Variants in IMMP2L observed in about 807,000 individuals in gnomAD.
IMMP2L encodes the protein mitochondrial inner membrane protease subunit 2.
Under a neutral mutation model 19.3 loss-of-function variants are expected in IMMP2L, and 18 were observed. The ratio of observed to expected loss-of-function variants is 0.93; its 90% CI spans 0.64 to 1.38. The LOEUF is 1.38. Among genes scored for constraint, IMMP2L ranks in the 40% most tolerant of loss-of-function variants. The probability of loss-of-function intolerance (pLI) is 0.00; values close to 1 mark genes in which losing one functional copy is unlikely to be tolerated. For synonymous variants in IMMP2L, 76 were observed against 73.0 expected (o/e 1.04, Z -0.21); for missense variants, 233 against 218.2 (o/e 1.07, Z -0.43).
At chr7:110,694,479 T>C (rs1407166013) in intron 5 of IMMP2L, among the ~76,000 whole-genome samples, 6 of 152,034 alleles carry the variant, frequency 3.9e-5, no homozygotes, top group Admixed American at 1.3e-4. Flanking sequence ...AAAGAAAAAG[T>C]AATATTTAGG....
At chr7:110,731,687 C>T (rs568123022) in intron 5 of IMMP2L, among the ~76,000 whole-genome samples, 38 of 152,162 alleles carry the variant, frequency 2.5e-4, no homozygotes, top group African/African-American at 8.4e-4. Flanking sequence ...AAATATAATA[C>T]CTTGCAATAA....
At chr7:111,416,047 A>C (rs1834929029) in intron 3 of IMMP2L, among the ~76,000 whole-genome samples, 1 of 151,796 alleles carries the variant, frequency 6.6e-6, no homozygotes, top group Non-Finnish European at 1.5e-5. Context: ...TTAAAAAGTT[A>C]ATCTGAGCAT....
At chr7:111,360,907 C>T (rs1829199810) in intron 3 of IMMP2L, among the ~76,000 whole-genome samples, 1 of 151,952 alleles carries the variant, frequency 6.6e-6, no homozygotes. Context: ...TTTCATAAAA[C>T]TGTCGTATTT....
chr7:110,816,030 C>T (rs555154480), intron 5 of IMMP2L, among the ~76,000 whole-genome samples: 61 of 152,152 alleles, frequency 4.0e-4, no homozygotes, highest in South Asian at 1.0e-3. Context: ...TTTGCTCTTG[C>T]TTTTCCAGTT....
chr7:111,554,621 T>TATC (rs1370238146), intron 1 of IMMP2L, among the ~76,000 whole-genome samples: 1 of 151,756 alleles, frequency 6.6e-6, no homozygotes, highest in Non-Finnish European at 1.5e-5. Flanking sequence ...TTTATTTTAT[T>TATC]ATTATTATTA....
intron 3 of IMMP2L, among the ~76,000 whole-genome samples, chr7:111,471,902 T>A (rs1162108299): frequency 6.6e-6 from 1 of 152,064 alleles, no homozygotes; most frequent in East Asian, 1.9e-4. Context: ...TCCTAACTAA[T>A]TAAGTGGCTT....
intron 3 of IMMP2L, among the ~76,000 whole-genome samples, chr7:111,093,152 C>T (rs1261519735): frequency 6.6e-6 from 1 of 152,134 alleles, no homozygotes; most frequent in Non-Finnish European, 1.5e-5. Context: ...CCAGTGGCTT[C>T]GATTTTCTCT....
intron 3 of IMMP2L, among the ~76,000 whole-genome samples, chr7:111,142,982 G>A (rs533578578): frequency 9.2e-5 from 14 of 152,206 alleles, no homozygotes; most frequent in African/African-American, 3.4e-4. Flanking sequence ...AAGTTTAAGA[G>A]ACTATATATT....
chr7:111,091,111 G>C (rs1387384769), intron 3 of IMMP2L: 1 of 152,148 alleles, frequency 6.6e-6, no homozygotes, highest in Non-Finnish European at 1.5e-5. Flanking sequence ...AATGACCGCT[G>C]AGCAGGCAGC....
At chr7:110,952,088 A>C (rs536590304) in intron 4 of IMMP2L, among the ~76,000 whole-genome samples, 2 of 152,284 alleles carry the variant, frequency 1.3e-5, no homozygotes, top group Non-Finnish European at 2.9e-5. Context: ...TTACTGAGAT[A>C]ATTATACTTA....
At chr7:111,181,692 T>A (rs759871138) in intron 3 of IMMP2L, among the ~76,000 whole-genome samples, 1 of 152,050 alleles carries the variant, frequency 6.6e-6, no homozygotes, top group African/African-American at 2.4e-5. Context: ...TATATAAACC[T>A]AAACAAATGA....
At chr7:111,520,836 C>G (rs1250808921) in intron 2 of IMMP2L, among the ~76,000 whole-genome samples, 1 of 152,108 alleles carries the variant, frequency 6.6e-6, no homozygotes, top group African/African-American at 2.4e-5. Flanking sequence ...TGCACTTAAT[C>G]TTTTCAATTA....
intron 5 of IMMP2L, among the ~76,000 whole-genome samples, chr7:110,868,718 A>T (rs1466545264): frequency 6.6e-6 from 1 of 152,132 alleles, no homozygotes; most frequent in Admixed American, 6.6e-5. Context: ...TCTTTAAATG[A>T]ATAATTGCAA....
In IMMP2L at chr7:111,361,140, T is replaced by C. The variant is rs557282572; in HGVS notation, c.239+126098A>G. ...TATTAATAGTAAACAATAAACTATA[T>C]TTAAATATAGCCAATTTTCTATATG... On this transcript the variant is annotated intron_variant, in intron 3 of 5. Coordinates refer to ENST00000405709, the MANE Select transcript of IMMP2L (RefSeq NM_032549.4). Among the ~76,000 whole-genome samples the C allele has an allele frequency of 2.6e-5, 4 of 152,166 alleles. No individual in the cohort carries two copies. In the South Asian group the frequency reaches 6.2e-4, roughly 24 times the overall value.
intron 3 of IMMP2L, among the ~76,000 whole-genome samples, chr7:111,426,872 T>C (rs930673227): frequency 6.6e-6 from 1 of 151,136 alleles, no homozygotes; most frequent in African/African-American, 2.4e-5. Context: ...ATAGTAGTAA[T>C]TAACAATAAA....
intron 3 of IMMP2L, among the ~76,000 whole-genome samples, chr7:111,368,256 G>C (rs1258087446): frequency 1.3e-5 from 2 of 151,792 alleles, no homozygotes; most frequent in Non-Finnish European, 2.9e-5. Flanking sequence ...ACTTCTTTTG[G>C]GGGAATTTTC....
intron 3 of IMMP2L, among the ~76,000 whole-genome samples, chr7:111,160,740 T>TA (rs963387629): frequency 1.3e-5 from 2 of 149,866 alleles, no homozygotes; most frequent in East Asian, 1.9e-4. Flanking sequence ...AAAGTAAAAT[T>TA]AAAAAATATA....
At chr7:111,561,062 AG>A (rs1791984620) in intron 1 of IMMP2L, among the ~76,000 whole-genome samples, 1 of 152,182 alleles carries the variant, frequency 6.6e-6, no homozygotes, top group Non-Finnish European at 1.5e-5. Flanking sequence ...ATGCATAATG[AG>A]CTCCCAACCT....
chr7:111,418,218 T>C (rs1469023620), intron 3 of IMMP2L, among the ~76,000 whole-genome samples: 1 of 151,846 alleles, frequency 6.6e-6, no homozygotes, highest in Admixed American at 6.6e-5. Context: ...TATTGACTTG[T>C]ATATAAATTT....
Sources: allele counts gnomAD v4.1 joint callset (sites outside exome capture counted in the v4.1 genomes callset), GRCh38; gene constraint gnomAD v4.1.1; transcripts MANE v1.5; gene names NCBI Gene and HGNC (gene_info 2026-07-23, HGNC 2026-07-21).